GNAT3: variants seen among roughly 807,000 people sequenced by gnomAD.
GNAT3 encodes the protein G protein subunit alpha transducin 3, also known as guanine nucleotide-binding protein G(t) subunit alpha-3.
Under a neutral mutation model 37.7 loss-of-function variants are expected in GNAT3, and 31 were observed. The ratio of observed to expected loss-of-function variants is 0.82; its 90% CI spans 0.62 to 1.11. The LOEUF (loss-of-function observed/expected upper bound fraction) is 1.11. Among genes scored for constraint, GNAT3 ranks in the 50% most tolerant of loss-of-function variants. The probability of loss-of-function intolerance (pLI) is 0.00; values close to 1 mark genes in which losing one functional copy is unlikely to be tolerated. For synonymous variants in GNAT3, 138 were observed against 139.8 expected, an observed-to-expected ratio of 0.99 and a Z score of 0.09; for missense variants, 437 against 412.5, an observed-to-expected ratio of 1.06 and a Z score of -0.51.
At chr7:80,491,166 A>T (rs1369766534) in intron 2 of GNAT3, among the ~76,000 whole-genome samples, 1 of 152,174 alleles carries the variant, frequency 6.6e-6, no homozygotes, top group Non-Finnish European at 1.5e-5. Flanking sequence ...ACCAATGGAG[A>T]TCAATGACAT....
At chr7:80,498,736 G>A (rs1307311720) in intron 1 of GNAT3, among the ~76,000 whole-genome samples, 5 of 152,062 alleles carry the variant, frequency 3.3e-5, no homozygotes, top group East Asian at 1.9e-4. Flanking sequence ...TGTGGTCATC[G>A]CTAATATTAG....
At chr7:80,481,851 C>T (rs1176900173) in intron 3 of GNAT3, among the ~76,000 whole-genome samples, 1 of 152,144 alleles carries the variant, frequency 6.6e-6, no homozygotes, top group Non-Finnish European at 1.5e-5. Flanking sequence ...GGCCTTTAGA[C>T]AATAACTTAA....
At chr7:80,474,875 C>T (rs1024721704) in intron 4 of GNAT3, among the ~76,000 whole-genome samples, 9 of 151,994 alleles carry the variant, frequency 5.9e-5, no homozygotes, top group Non-Finnish European at 1.0e-4. Flanking sequence ...TAGGCATTTT[C>T]GGTTTTATGA....
At chr7:80,491,732 C>G (rs1790596175) in intron 2 of GNAT3, among the ~76,000 whole-genome samples, 1 of 152,094 alleles carries the variant, frequency 6.6e-6, no homozygotes, top group African/African-American at 2.4e-5. Context: ...GTAAGGGCAA[C>G]TTCTGCAACT....
intron 1 of GNAT3, among the ~76,000 whole-genome samples, chr7:80,497,587 CAT>C (rs1562732805): frequency 7.4e-6 from 1 of 134,952 alleles, no homozygotes; most frequent in Non-Finnish European, 1.6e-5. Flanking sequence ...TACGTATATA[CAT>C]ATACGTATAT....
intron 1 of GNAT3, among the ~76,000 whole-genome samples, chr7:80,505,156 T>C (rs985680800): frequency 2.6e-5 from 4 of 152,136 alleles, no homozygotes; most frequent in African/African-American, 9.6e-5. Flanking sequence ...TGGAGAACTC[T>C]GAGGGATTAT....
chr7:80,479,107 T>TA, intron 3 of GNAT3, 109 bp from the exon 4 acceptor site: 1 of 786,228 alleles, frequency 1.3e-6, no homozygotes, highest in Non-Finnish European at 1.9e-6. Flanking sequence ...TTTTAGCTAA[T>TA]AATTCCACCA....
intron 3 of GNAT3, among the ~76,000 whole-genome samples, chr7:80,485,631 T>G (rs1419333545): frequency 1.3e-5 from 2 of 152,130 alleles, no homozygotes; most frequent in Non-Finnish European, 2.9e-5. Context: ...ACATCCCCGG[T>G]GTCCAACTAA....
At chr7:80,507,852 A>G (rs1790979267) in intron 1 of GNAT3, among the ~76,000 whole-genome samples, 1 of 152,014 alleles carries the variant, frequency 6.6e-6, no homozygotes, top group South Asian at 2.1e-4. Context: ...GAATAAGTGA[A>G]ACCATTTGAA....
chr7:80,495,227 T>C (rs1051805024), intron 1 of GNAT3, among the ~76,000 whole-genome samples: 1 of 152,134 alleles, frequency 6.6e-6, no homozygotes, highest in Non-Finnish European at 1.5e-5. Flanking sequence ...AAAATAATGT[T>C]TTTCTTTGGG....
intron 3 of GNAT3, among the ~76,000 whole-genome samples, chr7:80,479,935 G>A (rs1342666655): frequency 6.6e-6 from 1 of 152,074 alleles, no homozygotes; most frequent in Non-Finnish European, 1.5e-5. Flanking sequence ...GGACAGAGGT[G>A]AGAGTTTTTT....
At chr7:80,473,258 G>A (rs1252418376) in intron 5 of GNAT3, among the ~76,000 whole-genome samples, 1 of 152,102 alleles carries the variant, frequency 6.6e-6, no homozygotes, top group African/African-American at 2.4e-5. Context: ...CTAAAATTTA[G>A]ATACGAATTT....
Position 80,474,253 on chromosome 7 carries a change from G to C in GNAT3, c.588C>G (p.Phe196Leu). 6.2e-7 allele frequency: 1 copy of C among 1,604,052 alleles called. No homozygotes were observed. The highest frequency in any genetic ancestry group is 8.5e-7 in the Non-Finnish European group (1 of 1,174,426). ...ETQFSFKDLH[F>L]RMFDVGGQRS... Reference sequence around the variant, plus strand: ...TTAGAAAAGATATTTGATCATACCTGAAGTGCAAGTCTTTAAAGGAGAATT... The same window carrying C: ...TTAGAAAAGATATTTGATCATACCTCAAGTGCAAGTCTTTAAAGGAGAATT... The change falls in exon 5 of 8, where the codon TTC becomes TTG. Residue 196 changes from phenylalanine to leucine, a missense_variant and splice_region_variant. Transcript: ENST00000398291.
At chr7:80,495,969 T>C (rs569386766) in intron 1 of GNAT3, among the ~76,000 whole-genome samples, 69 of 152,326 alleles carry the variant, frequency 4.5e-4, no homozygotes, top group Non-Finnish European at 8.8e-4. Flanking sequence ...GTTTGATGCA[T>C]AGCTTGCAAA....
chr7:80,497,647 T>C (rs930833565), intron 1 of GNAT3, among the ~76,000 whole-genome samples: 64 of 110,622 alleles, frequency 5.8e-4, no homozygotes, highest in African/African-American at 2.8e-3. Flanking sequence ...TATATACATA[T>C]ACGTATATAC....
chr7:80,472,917 C>T (rs77487661), intron 5 of GNAT3, among the ~76,000 whole-genome samples: 6,742 of 152,228 alleles, frequency 0.044, 382 homozygotes, highest in African/African-American at 0.12. Flanking sequence ...AAGGCCCACA[C>T]TCAGTTCTAG....
At position 80,497,630 on chromosome 7, in the gene GNAT3, A is replaced by G. The variant is rs369368852; in HGVS notation, c.119-2983T>C. On this transcript the variant is annotated intron_variant, in intron 1 of 7. Coordinates refer to ENST00000398291, the MANE Select transcript of GNAT3 (RefSeq NM_001102386.3). ...TACGTATATACATATACGTATATACATATACGTATATACATATACGTATAT... is the reference window on the plus strand; with the variant it reads ...TACGTATATACATATACGTATATACGTATACGTATATACATATACGTATAT... Among the ~76,000 whole-genome samples, 109 of 116,044 alleles carry G rather than the reference A, an allele frequency of 9.4e-4. 1 individual carries two copies. The highest frequency in any genetic ancestry group is 2.1e-3 in the African/African-American group (48 of 22,412). The allele number at this position is 116,044 out of a possible 152,430, so 76.1% of individuals were successfully genotyped here. A position where few individuals can be genotyped will look rare whatever the true frequency, so the allele number is the denominator to read the frequency against.
At chr7:80,491,771 G>T (rs1199504609) in intron 2 of GNAT3, among the ~76,000 whole-genome samples, 1 of 152,126 alleles carries the variant, frequency 6.6e-6, no homozygotes, top group African/African-American at 2.4e-5. Context: ...GATGAAAATG[G>T]CTGAAAGTGG....
chr7:80,506,881 A>T (rs1219932164), intron 1 of GNAT3, among the ~76,000 whole-genome samples: 1 of 152,146 alleles, frequency 6.6e-6, no homozygotes. Context: ...TGGTGAGAAC[A>T]CTTATCCACT....
Sources: allele counts gnomAD v4.1 joint callset (sites outside exome capture counted in the v4.1 genomes callset), GRCh38; gene constraint gnomAD v4.1.1; transcripts MANE v1.5; gene names NCBI Gene and HGNC (gene_info 2026-07-23, HGNC 2026-07-21).